Variants in B3GAT2 observed in about 807,000 individuals in gnomAD.
The protein encoded by B3GAT2 is beta-1,3-glucuronyltransferase 2.
In B3GAT2, 26 loss-of-function variants were observed where a neutral mutation model predicts 27.8. That is an observed-to-expected ratio of 0.93 (90% CI 0.68 to 1.30). B3GAT2 has a LOEUF of 1.30. B3GAT2 is among the 50% of genes most tolerant of loss of function. The pLI is 0.00. For missense variants in B3GAT2, 458 were observed against 459.0 expected (o/e 1.00, Z 0.02); for synonymous variants, 218 against 195.1 (o/e 1.12, Z -0.98).
At chr6:70,926,036 T>C (rs1016230322) in intron 1 of B3GAT2, among the ~76,000 whole-genome samples, 2 of 152,238 alleles carry the variant, frequency 1.3e-5, no homozygotes, top group Non-Finnish European at 2.9e-5. Flanking sequence ...AAACAGCGTC[T>C]GGAGTAGACC....
intron 2 of B3GAT2, among the ~76,000 whole-genome samples, chr6:70,866,675 C>T (rs188255165): frequency 5.9e-5 from 9 of 152,122 alleles, no homozygotes; most frequent in Non-Finnish European, 7.4e-5. Context: ...ACACACACAC[C>T]GTACAGAGTC....
At chr6:70,879,555 G>A (rs559069396) in intron 2 of B3GAT2, among the ~76,000 whole-genome samples, 1 of 152,248 alleles carries the variant, frequency 6.6e-6, no homozygotes, top group Non-Finnish European at 1.5e-5. Flanking sequence ...TGGGGAGAAG[G>A]TGGTAAGCAA....
intron 1 of B3GAT2, among the ~76,000 whole-genome samples, chr6:70,938,441 G>A (rs910792497): frequency 1.2e-4 from 19 of 152,050 alleles, no homozygotes; most frequent in South Asian, 4.2e-4. Flanking sequence ...AGCCCACATC[G>A]TCAAGTCAAT....
intron 1 of B3GAT2, among the ~76,000 whole-genome samples, chr6:70,908,296 C>T (rs75139757): frequency 0.05 from 7,606 of 152,208 alleles, 199 homozygotes; most frequent in African/African-American, 0.067. Context: ...TTTACTAGGA[C>T]CTGACTCACA....
intron 1 of B3GAT2, among the ~76,000 whole-genome samples, chr6:70,927,715 A>AAC (rs1410081709): frequency 6.6e-6 from 1 of 152,116 alleles, no homozygotes; most frequent in Admixed American, 6.6e-5. Context: ...TAGACTCCCA[A>AAC]ACAATAATAA....
chr6:70,952,065 C>A (rs1765586614), intron 1 of B3GAT2, among the ~76,000 whole-genome samples: 1 of 152,018 alleles, frequency 6.6e-6, no homozygotes, highest in Admixed American at 6.6e-5. Context: ...CAATAAGCAG[C>A]AGGTAAAGAG....
At chr6:70,886,555 A>C (rs1334952360) in intron 2 of B3GAT2, among the ~76,000 whole-genome samples, 1 of 152,082 alleles carries the variant, frequency 6.6e-6, no homozygotes, top group Non-Finnish European at 1.5e-5. Flanking sequence ...GAGGCCTGGA[A>C]ACCCGTCTCC....
intron 1 of B3GAT2, among the ~76,000 whole-genome samples, chr6:70,906,159 G>T (rs934929555): frequency 1.3e-5 from 2 of 152,110 alleles, no homozygotes; most frequent in African/African-American, 2.4e-5. Context: ...GAAAACCAAC[G>T]ATCTATCTCC....
intron 1 of B3GAT2, among the ~76,000 whole-genome samples, chr6:70,911,196 C>G (rs1772684319): frequency 6.6e-6 from 1 of 152,066 alleles, no homozygotes; most frequent in Admixed American, 6.6e-5. Flanking sequence ...TTTTTTGTTG[C>G]AATTGCTTTT....
chr6:70,916,888 G>T, intron 1 of B3GAT2, among the ~76,000 whole-genome samples: 1 of 152,080 alleles, frequency 6.6e-6, no homozygotes, highest in Non-Finnish European at 1.5e-5. Flanking sequence ...GTGAGGCTTT[G>T]TTATCAGGAT....
intron 2 of B3GAT2, among the ~76,000 whole-genome samples, chr6:70,871,828 T>TA (rs1241710570): frequency 6.6e-6 from 1 of 151,902 alleles, no homozygotes; most frequent in Non-Finnish European, 1.5e-5. Context: ...TTAATGGAGG[T>TA]ATGTGAAGCT....
intron 2 of B3GAT2, among the ~76,000 whole-genome samples, chr6:70,876,304 C>T (rs1283529916): frequency 6.6e-6 from 1 of 152,176 alleles, no homozygotes; most frequent in African/African-American, 2.4e-5. Flanking sequence ...TATTACATCA[C>T]CTCCTAGTTT....
intron 1 of B3GAT2, among the ~76,000 whole-genome samples, chr6:70,900,658 G>A (rs371511034): frequency 3.7e-4 from 56 of 152,150 alleles, no homozygotes; most frequent in East Asian, 3.3e-3. Flanking sequence ...CGTTCTTTTC[G>A]ACCCTCCTTG....
intron 1 of B3GAT2, among the ~76,000 whole-genome samples, chr6:70,946,837 C>G (rs1349185194): frequency 3.3e-5 from 5 of 150,666 alleles, no homozygotes; most frequent in African/African-American, 7.3e-5. Flanking sequence ...GGAAGTAAAG[C>G]TCTCCTCAGC....
In B3GAT2 at chr6:70,857,115, T is replaced by G; in HGVS notation, c.*4548A>C. The G allele has an allele frequency of 7.5e-7, 1 of 1,340,346 alleles. No homozygotes were observed. The highest frequency in any genetic ancestry group is 1.0e-6 in the Non-Finnish European group (1 of 1,001,852). 83.0% of individuals were successfully genotyped at this position (1,340,346 alleles called of 1,614,324 possible). ...TATAATAAGATCAATTATATATCTT[T>G]TATTGTTCCATGTAGTGAGTGCTTT... On this transcript the variant is annotated 3_prime_UTR_variant, in exon 4 of 4. Coordinates refer to ENST00000230053, the MANE Select transcript of B3GAT2 (RefSeq NM_080742.3).
chr6:70,922,348 T>A (rs1056860017), intron 1 of B3GAT2, among the ~76,000 whole-genome samples: 1 of 152,190 alleles, frequency 6.6e-6, no homozygotes, highest in African/African-American at 2.4e-5. Context: ...CAGCACTCAA[T>A]CTAATTGACA....
rs951809246 is a variant in B3GAT2 at position 70,955,952 on chromosome 6, G to C, written c.478C>G (p.Arg160Gly). The C allele has an allele frequency of 1.3e-6, 2 of 1,556,800 alleles. No individual in the cohort carries two copies. The highest frequency in any genetic ancestry group is 1.4e-5 in the African/African-American group (1 of 71,208). ...RPGLPRATEQ[R>G]NAGLAWLRQR... ...CGCAGCCAGGCGAGGCCCGCGTTGC[G>C]CTGCTCAGTGGCGCGCGGCAGCCCG... The change falls in exon 1 of 4, where the codon CGC becomes GGC. Residue 160 changes from arginine (R) to glycine (G), a missense_variant. Arg to Gly is a moderately radical substitution (Grantham distance 125). Transcript: ENST00000230053.
At chr6:70,898,962 C>CT (rs1254501097) in intron 1 of B3GAT2, among the ~76,000 whole-genome samples, 6 of 133,176 alleles carry the variant, frequency 4.5e-5, no homozygotes, top group Non-Finnish European at 9.7e-5. Flanking sequence ...GACCCTGGCT[C>CT]AAAATAAATA....
chr6:70,874,165 A>G (rs961837376), intron 2 of B3GAT2, among the ~76,000 whole-genome samples: 2 of 152,216 alleles, frequency 1.3e-5, no homozygotes, highest in Admixed American at 1.3e-4. Context: ...TTGAAATAAT[A>G]TAATGTGACA....
Sources: allele counts gnomAD v4.1 joint callset (sites outside exome capture counted in the v4.1 genomes callset), GRCh38; gene constraint gnomAD v4.1.1; transcripts MANE v1.5; gene names NCBI Gene and HGNC (gene_info 2026-07-23, HGNC 2026-07-21).